SLC25A21: variants seen among roughly 807,000 people sequenced by gnomAD.
SLC25A21 encodes the protein mitochondrial 2-oxodicarboxylate carrier.
A neutral mutation model predicts 43.8 loss-of-function variants in SLC25A21; 47 were observed. The ratio of observed to expected loss-of-function variants is 1.07; its 90% CI spans 0.85 to 1.37. The LOEUF is 1.37. Ranked by LOEUF, SLC25A21 falls within the 40% of genes most tolerant of loss-of-function variation. The probability of loss-of-function intolerance (pLI) is 0.00; values close to 1 mark genes in which losing one functional copy is unlikely to be tolerated. For synonymous variants in SLC25A21, 131 were observed against 121.3 expected (o/e 1.08, Z -0.52); for missense variants, 352 against 350.2 (o/e 1.00, Z -0.04).
At chr14:36,760,455 G>C (rs1886109298) in intron 3 of SLC25A21, among the ~76,000 whole-genome samples, 1 of 152,080 alleles carries the variant, frequency 6.6e-6, no homozygotes, top group Non-Finnish European at 1.5e-5. Flanking sequence ...CTCTGTCTTA[G>C]GTAGGCAAGG....
At chr14:36,767,435 T>A (rs1474424191) in intron 3 of SLC25A21, among the ~76,000 whole-genome samples, 2 of 152,202 alleles carry the variant, frequency 1.3e-5, no homozygotes, top group Admixed American at 6.5e-5. Context: ...GAGTATCTCC[T>A]CTTAGAGTGG....
intron 1 of SLC25A21, among the ~76,000 whole-genome samples, chr14:36,908,387 G>A (rs1441031510): frequency 1.3e-5 from 2 of 152,120 alleles, no homozygotes; most frequent in Non-Finnish European, 1.5e-5. Context: ...AAAAATGATG[G>A]TGGGAAAGCA....
At chr14:37,103,739 C>T (rs1360650332) in intron 1 of SLC25A21, among the ~76,000 whole-genome samples, 2 of 152,102 alleles carry the variant, frequency 1.3e-5, no homozygotes, top group Non-Finnish European at 2.9e-5. Flanking sequence ...TCCAAAAGTC[C>T]CAAGCCTCAA....
chr14:36,702,603 T>A (rs1007638742), intron 7 of SLC25A21, among the ~76,000 whole-genome samples: 1 of 152,132 alleles, frequency 6.6e-6, no homozygotes, highest in African/African-American at 2.4e-5. Context: ...CACAGCTTGA[T>A]AGTTATCTTG....
intron 6 of SLC25A21, among the ~76,000 whole-genome samples, chr14:36,712,798 T>G (rs1451728986): frequency 6.6e-6 from 1 of 152,170 alleles, no homozygotes; most frequent in Non-Finnish European, 1.5e-5. Flanking sequence ...ACCAAAAAAT[T>G]TTCTGAAGGT....
At chr14:36,696,035 G>T (rs990383732) in intron 7 of SLC25A21, among the ~76,000 whole-genome samples, 1 of 152,116 alleles carries the variant, frequency 6.6e-6, no homozygotes, top group African/African-American at 2.4e-5. Flanking sequence ...TATGATATTG[G>T]CTGTGGGTTT....
intron 3 of SLC25A21, among the ~76,000 whole-genome samples, chr14:36,781,519 T>C (rs540082208): frequency 1.1e-4 from 16 of 152,322 alleles, no homozygotes; most frequent in South Asian, 4.1e-4. Context: ...GTGGTTACCA[T>C]TGGGCTTATA....
intron 1 of SLC25A21, among the ~76,000 whole-genome samples, chr14:36,941,342 T>C (rs1029379060): frequency 4.6e-5 from 7 of 152,152 alleles, no homozygotes; most frequent in African/African-American, 1.7e-4. Flanking sequence ...CTGCACAAAA[T>C]TGTATAGAGA....
At chr14:36,894,256 T>A (rs1478861453) in intron 1 of SLC25A21, among the ~76,000 whole-genome samples, 2 of 152,174 alleles carry the variant, frequency 1.3e-5, no homozygotes, top group Non-Finnish European at 2.9e-5. Context: ...GTCCTTCACA[T>A]CCCTTGTAAG....
At chr14:37,064,414 G>GTC (rs369330133) in intron 1 of SLC25A21, among the ~76,000 whole-genome samples, 116 of 149,844 alleles carry the variant, frequency 7.7e-4, no homozygotes, top group Non-Finnish European at 6.9e-4. Context: ...AAATTCTCTT[G>GTC]TCTCTCTCTC....
chr14:36,942,520 G>T (rs1214202301), intron 1 of SLC25A21, among the ~76,000 whole-genome samples: 1 of 152,132 alleles, frequency 6.6e-6, no homozygotes, highest in Non-Finnish European at 1.5e-5. Context: ...TTGAAAGGAA[G>T]ATAAATGAAA....
intron 1 of SLC25A21, among the ~76,000 whole-genome samples, chr14:37,006,947 A>C (rs1405718435): frequency 6.6e-6 from 1 of 152,214 alleles, no homozygotes; most frequent in African/African-American, 2.4e-5. Flanking sequence ...TAAAACAAAC[A>C]AACAAACAAA....
chr14:37,067,567 T>G (rs1266852375), intron 1 of SLC25A21, among the ~76,000 whole-genome samples: 1 of 152,062 alleles, frequency 6.6e-6, no homozygotes, highest in Non-Finnish European at 1.5e-5. Context: ...GGAAGGAAAG[T>G]GATCCCAGAT....
chr14:36,905,296 C>T (rs1204853513), intron 1 of SLC25A21, among the ~76,000 whole-genome samples: 3 of 152,312 alleles, frequency 2.0e-5, no homozygotes, highest in African/African-American at 7.2e-5. Flanking sequence ...AACCTAATTG[C>T]AGGGGCCATT....
rs1282374766 is a variant in SLC25A21, at chr14:36,756,751, T to C, written c.204-22178A>G. Reference sequence around the variant, plus strand: ...CCTGGTACAGTTCCTTAGAACCAAATTTAAACATTTCCAAATGTTTCATCA... The same window carrying C: ...CCTGGTACAGTTCCTTAGAACCAAACTTAAACATTTCCAAATGTTTCATCA... On this transcript the variant is annotated intron_variant, in intron 3 of 9. Transcript: ENST00000331299. Among the ~76,000 whole-genome samples the C allele has an allele frequency of 5.9e-5, 9 of 152,326 alleles. No individual in the cohort carries two copies. In the East Asian group the frequency reaches 1.7e-3, roughly 29 times the overall value.
rs1891750628 is a variant in SLC25A21, at chr14:36,913,640, AG to A, written c.71-38637del. On this transcript the variant is annotated intron_variant, in intron 1 of 9. Transcript: ENST00000331299. ...TACAATCTTTTCCACTGTTAATTGG[AG>A]TAAAACAAGGGTTAAGTTTGAGTGA... Among the ~76,000 whole-genome samples the A allele has an allele frequency of 2.6e-5, 4 of 152,352 alleles. No individual in the cohort carries two copies. The South Asian group carries it at 8.3e-4, about 32-fold the overall frequency.
chr14:36,870,570 C>T (rs1242344023), intron 2 of SLC25A21: 1 of 152,170 alleles, frequency 6.6e-6, no homozygotes, highest in African/African-American at 2.4e-5. Flanking sequence ...TTAGGGCACA[C>T]TCTATTCCAC....
chr14:37,165,363 T>C (rs145024784), intron 1 of SLC25A21, among the ~76,000 whole-genome samples: 1,845 of 149,876 alleles, frequency 0.012, 13 homozygotes, highest in Non-Finnish European at 0.02. Flanking sequence ...AGTGACAAAG[T>C]GAGACTCCGT....
chr14:37,092,771 C>G (rs1463916732), intron 1 of SLC25A21, among the ~76,000 whole-genome samples: 1 of 150,804 alleles, frequency 6.6e-6, no homozygotes, highest in Non-Finnish European at 1.5e-5. Flanking sequence ...TTTATCCCAC[C>G]TTTTTTTTTA....
Sources: allele counts gnomAD v4.1 joint callset (sites outside exome capture counted in the v4.1 genomes callset), GRCh38; gene constraint gnomAD v4.1.1; transcripts MANE v1.5; gene names NCBI Gene and HGNC (gene_info 2026-07-23, HGNC 2026-07-21).